CAPN2: variants seen among roughly 807,000 people sequenced by gnomAD.
CAPN2 encodes calpain 2.
A neutral mutation model predicts 102.3 loss-of-function variants in CAPN2; 92 were observed. The ratio of observed to expected loss-of-function variants is 0.90; its 90% CI spans 0.76 to 1.07. The LOEUF (loss-of-function observed/expected upper bound fraction) is 1.07, where lower values mean the gene tolerates loss of function less well. Ranked by LOEUF, CAPN2 falls within the 50% of genes least tolerant of loss-of-function variation. The pLI is 0.00. For synonymous variants in CAPN2, 340 were observed against 355.4 expected, an observed-to-expected ratio of 0.96 and a Z score of 0.49; for missense variants, 800 against 909.4, an observed-to-expected ratio of 0.88 and a Z score of 1.55.
intron 8 of CAPN2, among the ~76,000 whole-genome samples, chr1:223,752,363 G>A (rs1660924679): frequency 6.6e-6 from 1 of 152,214 alleles, no homozygotes; most frequent in Non-Finnish European, 1.5e-5. Context: ...AGGGAAAGAT[G>A]GGGCCTTTCT....
chr1:223,724,490 G>T (rs1558062040), intron 2 of CAPN2, among the ~76,000 whole-genome samples: 1 of 152,224 alleles, frequency 6.6e-6, no homozygotes, highest in South Asian at 2.1e-4. Flanking sequence ...TGGAGCACTT[G>T]AAATATGACT....
intron 2 of CAPN2, among the ~76,000 whole-genome samples, chr1:223,741,202 A>C (rs565250330): frequency 6.6e-6 from 1 of 152,040 alleles, no homozygotes; most frequent in African/African-American, 2.4e-5. Context: ...AAATAAAGGA[A>C]AGAAGTCAGT....
chr1:223,769,128 T>C (rs998442111), intron 16 of CAPN2, among the ~76,000 whole-genome samples: 3 of 152,106 alleles, frequency 2.0e-5, no homozygotes, highest in Admixed American at 2.0e-4. Context: ...AGTTGGTTGG[T>C]TGGTTTTTTG....
chr1:223,734,377 C>T (rs75835850), intron 2 of CAPN2, among the ~76,000 whole-genome samples: 1,645 of 152,284 alleles, frequency 0.011, 28 homozygotes, highest in African/African-American at 0.038. Flanking sequence ...ACTCCACCTC[C>T]TGGGCTCAAC....
intron 14 of CAPN2, among the ~76,000 whole-genome samples, chr1:223,763,615 C>T (rs1661242128): frequency 6.6e-6 from 1 of 152,142 alleles, no homozygotes; most frequent in Non-Finnish European, 1.5e-5. Flanking sequence ...TACAGGAAGT[C>T]TGAGCTTTGA....
At position 223,774,859 on chromosome 1, in the gene CAPN2, G is replaced by A. The variant is rs1661573859; in HGVS notation, c.*2G>A. On this transcript the variant is annotated 3_prime_UTR_variant, in exon 21 of 21. Coordinates refer to ENST00000295006, the MANE Select transcript of CAPN2 (RefSeq NM_001748.5). ...TGGCTCTGTTTCTCAGTACTTTGAA[G>A]TTATAACTAATCTGCCTGAAGACTT... The A allele has an allele frequency of 6.2e-7, 1 of 1,612,610 alleles. No individual in the cohort carries two copies. The highest frequency in any genetic ancestry group is 8.5e-7 in the Non-Finnish European group (1 of 1,179,320).
intron 2 of CAPN2, 24 bp downstream of exon 2, chr1:223,717,855 C>G (rs745614934): frequency 6.3e-7 from 1 of 1,578,190 alleles, no homozygotes; most frequent in South Asian, 1.1e-5. Flanking sequence ...TCAGAGCAAG[C>G]TGGGGGATCT....
intron 19 of CAPN2, 111 bp from the exon 20 acceptor site, chr1:223,772,070 G>C: frequency 8.7e-7 from 1 of 1,151,522 alleles, no homozygotes; most frequent in Non-Finnish European, 1.3e-6. Context: ...TTGAGGGTGA[G>C]GAAGAAAGCA....
chr1:223,749,244 C>T (rs994043519), intron 6 of CAPN2, 122 bp downstream of exon 6: 9 of 821,138 alleles, frequency 1.1e-5, no homozygotes, highest in Middle Eastern at 3.3e-4. Flanking sequence ...ACTCGGGCCC[C>T]GCACTCCTGA....
At chr1:223,724,620 A>G (rs988542211) in intron 2 of CAPN2, among the ~76,000 whole-genome samples, 2 of 152,188 alleles carry the variant, frequency 1.3e-5, no homozygotes, top group African/African-American at 4.8e-5. Context: ...CCAGCCTCTC[A>G]GCCTTTACTC....
rs531126242 is a variant in CAPN2 at position 223,702,146 on chromosome 1, C to T, written c.3+315C>T. Among the ~76,000 whole-genome samples the T allele has an allele frequency of 4.6e-3, 450 of 98,626 alleles. 3 individuals are homozygous for T. Among genetic ancestry groups the T allele is most frequent in the African/African-American group, 0.02 (435 of 21,588 alleles). 64.7% of individuals were successfully genotyped at this position (98,626 alleles called of 152,430 possible). ...GGAAGGAAGGAAGGAAAGAAGGAGG[C>T]TGGGCGCCGTGGCTCACGCCTGTAA... On this transcript the variant is annotated intron_variant, in intron 1 of 20. Transcript: ENST00000433674.
In CAPN2 at chr1:223,706,876, T is replaced by C. The variant is rs1323834180; in HGVS notation, c.3+5045T>C. Among the ~76,000 whole-genome samples the C allele has an allele frequency of 2.0e-5, 3 of 152,052 alleles. No homozygotes were observed. The South Asian group carries it at 6.2e-4, about 32-fold the overall frequency. Reference sequence around the variant, plus strand: ...GGGTGGATCACCTGAGGTCAGGAGTTCAAGACCAGCCTGGACAACATGGCG... The same window carrying C: ...GGGTGGATCACCTGAGGTCAGGAGTCCAAGACCAGCCTGGACAACATGGCG... On this transcript the variant is annotated intron_variant, in intron 1 of 20. Transcript: ENST00000433674.
At chr1:223,718,836 C>T (rs1659953462) in intron 2 of CAPN2, among the ~76,000 whole-genome samples, 1 of 152,166 alleles carries the variant, frequency 6.6e-6, no homozygotes, top group African/African-American at 2.4e-5. Context: ...TGATTATTCC[C>T]ATTTTATAGA....
Position 223,761,943 on chromosome 1 carries a change from G to A in CAPN2, c.1567-243G>A, listed in dbSNP as rs145756341. On this transcript the variant is annotated intron_variant, in intron 13 of 20. Transcript: ENST00000295006. The stretch of plus-strand genomic sequence containing the variant: ...TGGATGCTAGAGAAGATACCTCTGT[G>A]AGAAATTAGAATATTACTCCTTCCC... Among the ~76,000 whole-genome samples the A allele has an allele frequency of 3.3e-5, 5 of 152,264 alleles. No homozygotes were observed. The East Asian group carries it at 9.6e-4, about 29-fold the overall frequency.
chr1:223,771,744 G>C, intron 18 of CAPN2, 65 bp from the exon 19 acceptor site: 1 of 998,500 alleles, frequency 1.0e-6, no homozygotes, highest in Non-Finnish European at 1.6e-6. Flanking sequence ...TTCATAGCCT[G>C]TGAGCGCAGC....
chr1:223,732,921 A>C (rs1216417570), intron 2 of CAPN2, among the ~76,000 whole-genome samples: 1 of 152,216 alleles, frequency 6.6e-6, no homozygotes, highest in Admixed American at 6.5e-5. Context: ...CTCTGGCACC[A>C]TCAGGGGCCA....
chr1:223,718,297 G>T (rs1161482906), intron 2 of CAPN2, among the ~76,000 whole-genome samples: 1 of 152,264 alleles, frequency 6.6e-6, no homozygotes, highest in Non-Finnish European at 1.5e-5. Context: ...AATGCTCGCT[G>T]CTGAAGGAAG....
At position 223,712,820 on chromosome 1, in the gene CAPN2, CAAGGAGTT is replaced by C. The variant is rs1659771801; in HGVS notation, c.181_188del (p.Lys61GlyfsTer21). 1 of 1,573,684 alleles carries C rather than the reference CAAGGAGTT, an allele frequency of 6.4e-7. No homozygotes were observed. On this transcript the variant is annotated frameshift_variant, in exon 1 of 21. Coordinates refer to ENST00000295006, the MANE Select transcript of CAPN2 (RefSeq NM_001748.5). LOFTEE classifies it high-confidence loss of function. ...CGGCCATCCCCTCGGCCCTGGGCTT[CAAGGAGTT>C]GGGGCCCTACTCCAGCAAAACCCGG...
At position 223,742,958 on chromosome 1, in the gene CAPN2, C is replaced by T. The variant is rs191712524; in HGVS notation, c.308-1142C>T. Among the ~76,000 whole-genome samples the T allele has an allele frequency of 3.0e-3, 459 of 152,278 alleles. 6 individuals carry two copies. Among genetic ancestry groups the T allele is most frequent in the Non-Finnish European group, 1.1e-3 (76 of 68,024 alleles). ...CATTCCTTAAGAATGGAGTAAACTT[C>T]CTCATCCTCTTCCCAGGCCCCCTCC... On this transcript the variant is annotated intron_variant, in intron 2 of 20. Coordinates refer to ENST00000295006, the MANE Select transcript of CAPN2 (RefSeq NM_001748.5).
Sources: allele counts gnomAD v4.1 joint callset (sites outside exome capture counted in the v4.1 genomes callset), GRCh38; gene constraint gnomAD v4.1.1; transcripts MANE v1.5; gene names NCBI Gene and HGNC (gene_info 2026-07-23, HGNC 2026-07-21).